Variants in GRM3 observed in about 807,000 individuals in gnomAD.
GRM3 encodes glutamate metabotropic receptor 3, also known as metabotropic glutamate receptor 3.
Under a neutral mutation model 70.5 loss-of-function variants are expected in GRM3, and 26 were observed. The ratio of observed to expected loss-of-function variants is 0.37; its 90% CI spans 0.27 to 0.51. The LOEUF (loss-of-function observed/expected upper bound fraction) is 0.51, where lower values mean the gene tolerates loss of function less well. Among genes scored for constraint, GRM3 ranks in the 20% least tolerant of loss-of-function variants. The probability of loss-of-function intolerance (pLI) is 0.93; values close to 1 mark genes in which losing one functional copy is unlikely to be tolerated. For synonymous variants in GRM3, 443 were observed against 434.9 expected, an observed-to-expected ratio of 1.02 and a Z score of -0.23; for missense variants, 859 against 1,123.8, an observed-to-expected ratio of 0.76 and a Z score of 3.37.
rs570784350 is a variant in GRM3 at position 86,698,520 on chromosome 7, T to TTATA, written c.-141+53663_-141+53666dup. 9.3e-3 allele frequency among the ~76,000 whole-genome samples: 1,320 copies of TTATA among 142,130 alleles called. 32 individuals carry two copies. Among genetic ancestry groups the TTATA allele is most frequent in the African/African-American group, 0.033 (1,237 of 37,408 alleles). The allele number at this position is 142,130 out of a possible 152,430, so 93.2% of individuals were successfully genotyped here. On this transcript the variant is annotated intron_variant, in intron 1 of 5. Coordinates refer to ENST00000361669, the MANE Select transcript of GRM3 (RefSeq NM_000840.3). ...AAAGAGTCCCATGTCTAAAAAGTAT[T>TTATA]TATATATATATATATATAAAATACA... is the stretch of plus-strand genomic sequence containing the variant.
At chr7:86,691,596 A>G (rs1794698327) in intron 1 of GRM3, among the ~76,000 whole-genome samples, 1 of 152,186 alleles carries the variant, frequency 6.6e-6, no homozygotes, top group South Asian at 2.1e-4. Context: ...CCCCAAAGCA[A>G]CAGTGTTGGG....
chr7:86,713,928 C>T (rs937500913), intron 1 of GRM3, among the ~76,000 whole-genome samples: 1 of 151,930 alleles, frequency 6.6e-6, no homozygotes, highest in Admixed American at 6.6e-5. Context: ...AGGTCATGCC[C>T]CTTAGAGCTC....
chr7:86,783,110 A>T (rs975621846), intron 2 of GRM3, among the ~76,000 whole-genome samples: 1 of 152,216 alleles, frequency 6.6e-6, no homozygotes, highest in Non-Finnish European at 1.5e-5. Flanking sequence ...GCTTTTAGAC[A>T]AATGAGACAG....
chr7:86,694,798 C>T (rs1487124145), intron 1 of GRM3, among the ~76,000 whole-genome samples: 4 of 152,154 alleles, frequency 2.6e-5, no homozygotes, highest in African/African-American at 4.8e-5. Flanking sequence ...AATGCCAAGA[C>T]AGCGCTTATT....
At chr7:86,768,493 A>G (rs1410782407) in intron 2 of GRM3, among the ~76,000 whole-genome samples, 1 of 152,200 alleles carries the variant, frequency 6.6e-6, no homozygotes, top group Non-Finnish European at 1.5e-5. Flanking sequence ...TATGGGTACA[A>G]TGTGCTCTGA....
intron 1 of GRM3, among the ~76,000 whole-genome samples, chr7:86,718,237 ACT>A (rs1222505506): frequency 6.6e-6 from 1 of 151,980 alleles, no homozygotes; most frequent in Non-Finnish European, 1.5e-5. Flanking sequence ...TAAAGCAAGC[ACT>A]CTCATCCATG....
intron 1 of GRM3, among the ~76,000 whole-genome samples, chr7:86,746,014 T>C (rs1796093541): frequency 6.6e-6 from 1 of 151,848 alleles, no homozygotes; most frequent in African/African-American, 2.4e-5. Context: ...AGGAAAAAAA[T>C]AGGTTCTTGA....
At chr7:86,794,377 A>T (rs1469510955) in intron 3 of GRM3, among the ~76,000 whole-genome samples, 1 of 152,214 alleles carries the variant, frequency 6.6e-6, no homozygotes, top group Non-Finnish European at 1.5e-5. Flanking sequence ...GAAATAGAGG[A>T]ATGTTCTCTA....
intron 2 of GRM3, among the ~76,000 whole-genome samples, chr7:86,778,627 C>T (rs1442952855): frequency 6.6e-6 from 1 of 152,170 alleles, no homozygotes; most frequent in African/African-American, 2.4e-5. Flanking sequence ...ATAGAGTAAA[C>T]TGCCTGAGAT....
chr7:86,804,147 T>C (rs1426188835), intron 3 of GRM3, among the ~76,000 whole-genome samples: 2 of 152,192 alleles, frequency 1.3e-5, no homozygotes, highest in Non-Finnish European at 1.5e-5. Flanking sequence ...ATGATTGTTA[T>C]CTCATAATGC....
intron 1 of GRM3, among the ~76,000 whole-genome samples, chr7:86,658,489 C>T (rs903336302): frequency 1.3e-5 from 2 of 152,084 alleles, no homozygotes; most frequent in African/African-American, 2.4e-5. Flanking sequence ...TACTTCTGAC[C>T]TTCTATAGTA....
chr7:86,801,650 T>C (rs568698700), intron 3 of GRM3, among the ~76,000 whole-genome samples: 2 of 152,320 alleles, frequency 1.3e-5, no homozygotes, highest in Non-Finnish European at 2.9e-5. Flanking sequence ...TCTTAGCAAC[T>C]AGTAAGGGCA....
At chr7:86,812,346 G>C (rs987395709) in intron 3 of GRM3, among the ~76,000 whole-genome samples, 2 of 151,658 alleles carry the variant, frequency 1.3e-5, no homozygotes, top group Non-Finnish European at 1.5e-5. Context: ...TACAGTGTGG[G>C]ACAGGCCTAT....
chr7:86,716,438 G>A (rs916683638), intron 1 of GRM3, among the ~76,000 whole-genome samples: 1 of 151,884 alleles, frequency 6.6e-6, no homozygotes, highest in African/African-American at 2.4e-5. Flanking sequence ...GAAATGGTAA[G>A]AAGTTTGTCC....
At chr7:86,650,170 C>T (rs191767758) in intron 1 of GRM3, among the ~76,000 whole-genome samples, 28 of 152,212 alleles carry the variant, frequency 1.8e-4, no homozygotes, top group Admixed American at 6.5e-4. Context: ...AAGAACTATA[C>T]AGTACCTGTG....
intron 2 of GRM3, among the ~76,000 whole-genome samples, chr7:86,782,747 T>C (rs1386751586): frequency 1.3e-5 from 2 of 152,232 alleles, no homozygotes; most frequent in Non-Finnish European, 2.9e-5. Context: ...CAGTGGATTC[T>C]TTAGAGTTTT....
intron 3 of GRM3, among the ~76,000 whole-genome samples, chr7:86,813,431 T>C (rs1407829926): frequency 1.3e-5 from 2 of 151,884 alleles, no homozygotes; most frequent in Non-Finnish European, 2.9e-5. Context: ...GAATGAAGCC[T>C]GTGTATTCTC....
chr7:86,723,238 T>C (rs564077462), intron 1 of GRM3, among the ~76,000 whole-genome samples: 1 of 151,908 alleles, frequency 6.6e-6, no homozygotes, highest in African/African-American at 2.4e-5. Flanking sequence ...AAAAAAAATA[T>C]AGAATATAGC....
chr7:86,859,152 C>G (rs1053147894), intron 5 of GRM3, among the ~76,000 whole-genome samples: 6 of 152,184 alleles, frequency 3.9e-5, no homozygotes, highest in African/African-American at 1.2e-4. Flanking sequence ...GAGATGGGGT[C>G]TTGCTACATT....
Sources: allele counts gnomAD v4.1 joint callset (sites outside exome capture counted in the v4.1 genomes callset), GRCh38; gene constraint gnomAD v4.1.1; transcripts MANE v1.5; gene names NCBI Gene and HGNC (gene_info 2026-07-23, HGNC 2026-07-21).